PKD1L3: variants seen among roughly 807,000 people sequenced by gnomAD.
The protein encoded by PKD1L3 is polycystin-1-like protein 3.
Under a neutral mutation model 184.1 loss-of-function variants are expected in PKD1L3, and 239 were observed. That is an observed-to-expected ratio of 1.30 (90% confidence interval 1.17 to 1.45). The LOEUF (loss-of-function observed/expected upper bound fraction) is 1.45. Ranked by LOEUF, PKD1L3 falls within the 40% of genes most tolerant of loss-of-function variation. The probability of loss-of-function intolerance (pLI) is 0.00; values close to 1 mark genes in which losing one functional copy is unlikely to be tolerated. For synonymous variants in PKD1L3, 996 were observed against 778.8 expected (o/e 1.28, Z -4.64); for missense variants, 2,660 against 2,067.2 (o/e 1.29, Z -5.56).
In PKD1L3 at chr16:71,944,330, G is replaced by A. The variant is rs2038476318; in HGVS notation, c.3719-160C>T. On this transcript the variant is annotated intron_variant, in intron 22 of 29. Coordinates refer to ENST00000620267, the MANE Select transcript of PKD1L3 (RefSeq NM_181536.2). ...TTAAACTCTCTATTATAAAGGACCT[G>A]TTTTTTAAAAAATTCCAATCAATTG... Among the ~76,000 whole-genome samples the A allele has an allele frequency of 2.0e-5, 3 of 152,140 alleles. No individual in the cohort carries two copies. The South Asian group carries it at 6.2e-4, about 31-fold the overall frequency.
At chr16:71,974,816 C>T (rs924726675) in intron 11 of PKD1L3, among the ~76,000 whole-genome samples, 1 of 152,168 alleles carries the variant, frequency 6.6e-6, no homozygotes, top group African/African-American at 2.4e-5. Context: ...AAAGCAAGAA[C>T]TTAGAAGTGA....
chr16:71,969,746 G>A, intron 13 of PKD1L3, 129 bp downstream of exon 13: 1 of 817,172 alleles, frequency 1.2e-6, no homozygotes, highest in Non-Finnish European at 1.9e-6. Context: ...TTTAAGAAAA[G>A]TTTCACTTGA....
At chr16:71,956,014 C>A (rs2143442551) in intron 16 of PKD1L3, among the ~76,000 whole-genome samples, 1 of 151,960 alleles carries the variant, frequency 6.6e-6, no homozygotes, top group Admixed American at 6.6e-5. Context: ...CTAAATATAA[C>A]ACCTGGCTAA....
chr16:71,992,086 G>T (rs1004441016), intron 3 of PKD1L3, among the ~76,000 whole-genome samples: 10 of 152,170 alleles, frequency 6.6e-5, no homozygotes, highest in Admixed American at 5.9e-4. Flanking sequence ...CTCCCACGGT[G>T]CTGGGATTAC....
chr16:71,982,315 C>CA (rs889700016), intron 6 of PKD1L3, 80 bp from the exon 7 acceptor site: 3 of 1,172,014 alleles, frequency 2.6e-6, no homozygotes, highest in Non-Finnish European at 3.3e-6. Flanking sequence ...GACAGAGTTT[C>CA]ACTCTTGTTG....
chr16:71,958,554 T>C lies in PKD1L3; in HGVS notation c.2613-4253A>G, dbSNP rs1453543270. 4.0e-5 allele frequency among the ~76,000 whole-genome samples: 6 copies of C among 150,754 alleles called. No homozygotes were observed. The East Asian group carries it at 1.2e-3, about 30-fold the overall frequency. ...CAGCATTTTGGGAGGCCGAGGTGAGTGGATCACCCTGAGGTCAGGAGTTTG... is the reference window on the plus strand; with the variant it reads ...CAGCATTTTGGGAGGCCGAGGTGAGCGGATCACCCTGAGGTCAGGAGTTTG... On this transcript the variant is annotated intron_variant, in intron 16 of 29. Transcript: ENST00000620267.
rs560680678 is a variant in PKD1L3 at position 71,933,800 on chromosome 16, C to T, written c.4824+115G>A. 9 of 1,195,326 alleles carry T rather than the reference C, an allele frequency of 7.5e-6. No homozygotes were observed. In the African/African-American group the frequency reaches 9.1e-5, roughly 12 times the overall value. The allele number at this position is 1,195,326 out of a possible 1,614,324, so 74.0% of individuals were successfully genotyped here. On this transcript the variant is annotated intron_variant, in intron 27 of 29. Coordinates refer to ENST00000620267, the MANE Select transcript of PKD1L3 (RefSeq NM_181536.2). ...TTAAGTGTGGAACTAGATCTAAACC[C>T]GGCTTTCCTACTGTACCACCTCGGG...
intron 4 of PKD1L3, among the ~76,000 whole-genome samples, chr16:71,986,919 T>A (rs1307640649): frequency 6.5e-4 from 35 of 54,140 alleles, no homozygotes; most frequent in Middle Eastern, 0.01. Flanking sequence ...AGAGGATTTT[T>A]TTTTTTTTTT....
At chr16:71,969,657 G>A (rs1266161399) in intron 13 of PKD1L3, among the ~76,000 whole-genome samples, 1 of 151,302 alleles carries the variant, frequency 6.6e-6, no homozygotes, top group Non-Finnish European at 1.5e-5. Context: ...AGTCCTGCAA[G>A]GTCCAATCTT....
intron 2 of PKD1L3, among the ~76,000 whole-genome samples, chr16:71,995,390 A>C (rs139331166): frequency 6.6e-6 from 1 of 152,228 alleles, no homozygotes; most frequent in East Asian, 1.9e-4. Flanking sequence ...CAAACTATAA[A>C]ACCAGGTACA....
intron 1 of PKD1L3, 52 bp from the exon 2 acceptor site, chr16:71,998,446 A>T: frequency 6.6e-7 from 1 of 1,517,088 alleles, no homozygotes; most frequent in Non-Finnish European, 8.8e-7. Context: ...CCAGGCTTTT[A>T]GGTTTATTTT....
chr16:71,978,890 G>C (rs2040039516), intron 9 of PKD1L3, among the ~76,000 whole-genome samples: 1 of 152,060 alleles, frequency 6.6e-6, no homozygotes, highest in Non-Finnish European at 1.5e-5. Context: ...TACCGCAAAT[G>C]AAATAACATT....
Position 71,942,887 on chromosome 16 carries a change from G to A in PKD1L3, c.3997C>T (p.Pro1333Ser), listed in dbSNP as rs754825474. The stretch of plus-strand genomic sequence containing the variant: ...GGAAGAAGGATATGATTGGCCCAGG[G>A]GTAGAAATCCTGAAGAAGTTTGATT... ...SEIKLLQDFY[P>S]WANHILLPSL... Residue 1333 changes from proline to serine, a missense_variant, in exon 24 of 30, where the codon CCC (proline) becomes TCC (serine). Coordinates refer to ENST00000620267, the MANE Select transcript of PKD1L3 (RefSeq NM_181536.2). The A allele has an allele frequency of 2.6e-6, 4 of 1,551,438 alleles. No homozygotes were observed. Among genetic ancestry groups the A allele is most frequent in the South Asian group, 1.2e-5 (1 of 84,072 alleles).
At chr16:71,969,802 G>A in intron 13 of PKD1L3, 73 bp downstream of exon 13, 2 of 1,325,862 alleles carry the variant, frequency 1.5e-6, no homozygotes, top group South Asian at 3.0e-5. Context: ...TTTTGACGAA[G>A]GTGTTTTTTC....
In PKD1L3 at chr16:71,980,086, C is replaced by T; in HGVS notation, c.1192G>A (p.Glu398Lys). The change falls in exon 8 of 30, where the codon GAA (glutamate) becomes AAA (lysine). Residue 398 changes from glutamate to lysine, a missense_variant. Glu to Lys is a moderately conservative substitution (Grantham distance 56, BLOSUM62 1). Transcript: ENST00000620267. Reference protein sequence around the residue: ...MSLVEFGNIGEAFLEQNQSPE... With the variant: ...MSLVEFGNIGKAFLEQNQSPE... ...GACTGGTTCTGCTCTAGAAATGCTT[C>T]CCCGATATTCCCAAACTCCACCAAG... 1 of 1,551,722 alleles carries T rather than the reference C, an allele frequency of 6.4e-7. No homozygotes were observed. Among genetic ancestry groups the T allele is most frequent in the Non-Finnish European group, 8.7e-7 (1 of 1,146,968 alleles).
intron 11 of PKD1L3, among the ~76,000 whole-genome samples, chr16:71,976,376 C>T (rs1467606402): frequency 6.7e-6 from 1 of 148,982 alleles, no homozygotes; most frequent in Admixed American, 6.8e-5. Context: ...CTGCCTCAGC[C>T]TCCCAAGTAG....
At chr16:71,940,404 G>C (rs1329667143) in intron 24 of PKD1L3, among the ~76,000 whole-genome samples, 1 of 152,154 alleles carries the variant, frequency 6.6e-6, no homozygotes, top group African/African-American at 2.4e-5. Context: ...CTCAAGATTG[G>C]AGTTTGTAGG....
In PKD1L3 at chr16:71,953,049, G is replaced by C. The variant is rs756851793; in HGVS notation, c.2854C>G (p.His952Asp). The C allele has an allele frequency of 3.9e-6, 6 of 1,537,948 alleles. No individual in the cohort carries two copies. The highest frequency in any genetic ancestry group is 1.2e-5 in the South Asian group (1 of 81,194). Residue 952 changes from histidine to aspartate, a missense_variant, in exon 18 of 30, where the codon CAT becomes GAT. By Grantham distance (81) the His-to-Asp change is moderately conservative (BLOSUM62 -1). Coordinates refer to ENST00000620267, the MANE Select transcript of PKD1L3 (RefSeq NM_181536.2). ...VAWSELLVSI[H>D]TAVILFPINL... Reference sequence around the variant, plus strand: ...ATTGGGAAGAGGATGACAGCAGTATGGATGCTGACCAGCAGTTCAGACCAG... The same window carrying C: ...ATTGGGAAGAGGATGACAGCAGTATCGATGCTGACCAGCAGTTCAGACCAG...
intron 5 of PKD1L3, 111 bp from the exon 6 acceptor site, chr16:71,984,278 T>TG: frequency 9.3e-7 from 1 of 1,069,894 alleles, no homozygotes; most frequent in Non-Finnish European, 1.3e-6. Context: ...ATAAACCCTA[T>TG]GAACCACAGC....
Sources: allele counts gnomAD v4.1 joint callset (sites outside exome capture counted in the v4.1 genomes callset), GRCh38; gene constraint gnomAD v4.1.1; transcripts MANE v1.5; gene names NCBI Gene and HGNC (gene_info 2026-07-23, HGNC 2026-07-21).